Variants in TSEN2 observed in about 807,000 individuals in gnomAD.
TSEN2 encodes the protein tRNA splicing endonuclease subunit 2.
A neutral mutation model predicts 59.2 loss-of-function variants in TSEN2; 54 were observed. That is an observed-to-expected ratio of 0.91 (90% CI 0.73 to 1.14). The LOEUF (loss-of-function observed/expected upper bound fraction) is 1.14, where lower values mean the gene tolerates loss of function less well. Among genes scored for constraint, TSEN2 ranks in the 50% most tolerant of loss-of-function variants. The pLI, the probability that TSEN2 is intolerant of heterozygous loss-of-function variation, is 0.00. For missense variants in TSEN2, 636 were observed against 576.2 expected (o/e 1.10, Z -1.06); for synonymous variants, 195 against 198.2 (o/e 0.98, Z 0.14).
intron 11 of TSEN2, among the ~76,000 whole-genome samples, chr3:12,532,391 G>A (rs576180962): frequency 6.9e-4 from 105 of 152,202 alleles, no homozygotes; most frequent in African/African-American, 2.3e-3. Flanking sequence ...CTTTCATCCC[G>A]CCCACCTGTT....
At chr3:12,517,824 G>A (rs1463254972) in intron 7 of TSEN2, among the ~76,000 whole-genome samples, 1 of 152,000 alleles carries the variant, frequency 6.6e-6, no homozygotes, top group African/African-American at 2.4e-5. Context: ...CTCAACATCT[G>A]AACAACACTG....
intron 7 of TSEN2, among the ~76,000 whole-genome samples, chr3:12,518,658 A>C (rs1397030868): frequency 1.3e-5 from 2 of 151,858 alleles, no homozygotes; most frequent in East Asian, 3.9e-4. Context: ...TACACAGTTT[A>C]TTTAACCCAA....
In TSEN2 at chr3:12,532,695, G is replaced by T. The variant is rs759668052; in HGVS notation, c.1372G>T (p.Glu458Ter). Residue 458 changes from glutamate to a stop codon, truncating the protein, a stop_gained, in exon 12 of 12, where the codon GAG becomes TAG. Coordinates refer to ENST00000284995, the MANE Select transcript of TSEN2 (RefSeq NM_025265.4). LOFTEE classifies it high-confidence loss of function. The stretch of plus-strand genomic sequence containing the variant: ...TCTGAGTCGATGGGTTTCTTCACGA[G>T]AGAGGAGTGACCAAGACGATCTTTA... ...VILSRWVSSR[E>*]RSDQDDL is the part of the protein sequence containing the mutation. 1 of 1,614,106 alleles carries T rather than the reference G, an allele frequency of 6.2e-7. No homozygotes were observed. Among genetic ancestry groups the T allele is most frequent in the East Asian group, 2.2e-5 (1 of 44,876 alleles).
intron 10 of TSEN2, chr3:12,538,823 G>C (rs1299153421): frequency 6.0e-6 from 1 of 165,890 alleles, no homozygotes; most frequent in African/African-American, 2.4e-5. Context: ...AGTTTCCCCA[G>C]CCTCCTGTGA....
chr3:12,517,333 G>A (rs1381935884), intron 7 of TSEN2, among the ~76,000 whole-genome samples: 4 of 121,328 alleles, frequency 3.3e-5, no homozygotes, highest in African/African-American at 1.4e-4. Context: ...TCTCCAGCCT[G>A]GGCGACAGAC....
At chr3:12,523,526 C>CTTTGTTTTT (rs2056821440) in intron 8 of TSEN2, among the ~76,000 whole-genome samples, 1 of 46,480 alleles carries the variant, frequency 2.2e-5, no homozygotes, top group Non-Finnish European at 4.3e-5. Context: ...CTCTTTGATT[C>CTTTGTTTTT]TTTTTTTTTT....
intron 4 of TSEN2, among the ~76,000 whole-genome samples, chr3:12,496,807 G>C (rs2053792650): frequency 6.6e-6 from 1 of 152,170 alleles, no homozygotes; most frequent in African/African-American, 2.4e-5. Context: ...TAACTATCCT[G>C]TAATAGCTAT....
chr3:12,532,532 C>T, intron 11 of TSEN2, 130 bp from the exon 12 acceptor site: 1 of 815,992 alleles, frequency 1.2e-6, no homozygotes, highest in Admixed American at 2.2e-5. Context: ...TGTTTCTGTT[C>T]TAAAGGTGGG....
At chr3:12,513,009 T>C (rs2055648917) in intron 6 of TSEN2, among the ~76,000 whole-genome samples, 1 of 152,220 alleles carries the variant, frequency 6.6e-6, no homozygotes, top group Admixed American at 6.5e-5. Context: ...GGGGATGTGA[T>C]TGTCAACCTC....
intron 3 of TSEN2, among the ~76,000 whole-genome samples, chr3:12,496,310 C>A (rs1041341995): frequency 6.6e-6 from 1 of 152,184 alleles, no homozygotes; most frequent in African/African-American, 2.4e-5. Flanking sequence ...CCAGCAAGAC[C>A]GATGTGATTG....
intron 4 of TSEN2, among the ~76,000 whole-genome samples, chr3:12,502,476 C>T (rs149700211): frequency 2.8e-4 from 42 of 152,074 alleles, no homozygotes; most frequent in Non-Finnish European, 5.3e-4. Context: ...GCAGAGGTTA[C>T]AGTGAGCCGA....
Position 12,503,689 on chromosome 3 carries a change from C to G in TSEN2, c.736C>G (p.Leu246Val), listed in dbSNP as rs2054530325. The G allele has an allele frequency of 6.2e-7, 1 of 1,611,960 alleles. No homozygotes were observed. The highest frequency in any genetic ancestry group is 1.3e-5 in the African/African-American group (1 of 74,878). The change falls in exon 5 of 12, where the codon CTG becomes GTG. Residue 246 changes from leucine (L) to valine (V), a missense_variant. Coordinates refer to ENST00000284995, the MANE Select transcript of TSEN2 (RefSeq NM_025265.4). ...AGACGGCAGCCAGCACATCGGCCTC[C>G]TGCATCCTGGGGACAGAGGGCCTGA... ...HEDGSQHIGL[L>V]HPGDRGPDHE... is the part of the protein sequence containing the mutation.
chr3:12,539,323 G>A (rs1327225635), exon 11 of TSEN2: 3 of 328,976 alleles, frequency 9.1e-6, no homozygotes, highest in Non-Finnish European at 1.8e-5. Flanking sequence ...TAGTAGAGAC[G>A]GGGTTTCACT....
intron 4 of TSEN2, among the ~76,000 whole-genome samples, chr3:12,502,651 T>G (rs1312290008): frequency 6.6e-6 from 1 of 151,356 alleles, no homozygotes; most frequent in Admixed American, 6.6e-5. Flanking sequence ...TTTCATAGTT[T>G]GTTAAACTGG....
chr3:12,527,011 C>G (rs900082880), intron 8 of TSEN2, among the ~76,000 whole-genome samples: 5 of 152,354 alleles, frequency 3.3e-5, no homozygotes, highest in South Asian at 2.1e-4. Flanking sequence ...AAGTTAATAA[C>G]TTGCCTAAAG....
Position 12,532,946 on chromosome 3 carries a change from A to C in TSEN2, c.*225A>C. The stretch of plus-strand genomic sequence containing the variant: ...ACTTGCGTTGGCCTCTAACTCTCCA[A>C]TCCAGAGCCTCCTGCCTCTGGCGTC... On this transcript the variant is annotated 3_prime_UTR_variant, in exon 12 of 12. Transcript: ENST00000284995. 6 of 577,806 alleles carry C rather than the reference A, an allele frequency of 1.0e-5. No individual in the cohort carries two copies. The highest frequency in any genetic ancestry group is 5.9e-5 in the East Asian group (2 of 33,692). The allele number at this position is 577,806 out of a possible 1,614,324, so 35.8% of individuals were successfully genotyped here. A position where few individuals can be genotyped will look rare whatever the true frequency, so the allele number is the denominator to read the frequency against.
chr3:12,524,108 AT>A (rs1235290322), intron 8 of TSEN2, among the ~76,000 whole-genome samples: 1 of 151,798 alleles, frequency 6.6e-6, no homozygotes, highest in Admixed American at 6.6e-5. Context: ...TTTGGTTGTA[AT>A]TTTTATAGAG....
At chr3:12,522,546 GGCATGGCT>G (rs1410341631) in intron 8 of TSEN2, among the ~76,000 whole-genome samples, 1 of 152,152 alleles carries the variant, frequency 6.6e-6, no homozygotes, top group East Asian at 1.9e-4. Context: ...CTCATCTTCA[GGCATGGCT>G]GCACAGTTCC....
intron 9 of TSEN2, among the ~76,000 whole-genome samples, chr3:12,529,439 G>A (rs2057318723): frequency 6.8e-6 from 1 of 146,406 alleles, no homozygotes; most frequent in African/African-American, 2.6e-5. Flanking sequence ...GCACTCCAGC[G>A]TGGGTGATAG....
Sources: allele counts gnomAD v4.1 joint callset (sites outside exome capture counted in the v4.1 genomes callset), GRCh38; gene constraint gnomAD v4.1.1; transcripts MANE v1.5; gene names NCBI Gene and HGNC (gene_info 2026-07-23, HGNC 2026-07-21).